The following NT5DC3 variants were observed in gnomAD, a reference collection of about 807,000 sequenced individuals.
The protein encoded by NT5DC3 is 5'-nucleotidase domain-containing protein 3.
In NT5DC3, 42 loss-of-function variants were observed where a neutral mutation model predicts 67.8. The observed-to-expected ratio is 0.62, with a 90% CI of 0.48 to 0.80. The LOEUF is 0.80. Ranked by LOEUF, NT5DC3 falls within the 30% of genes least tolerant of loss-of-function variation. NT5DC3 has a pLI of 0.00. For synonymous variants in NT5DC3, 237 were observed against 255.6 expected (o/e 0.93, Z 0.69); for missense variants, 570 against 696.4 (o/e 0.82, Z 2.04).
chr12:103,773,497 T>C lies in NT5DC3; in HGVS notation c.*4332A>G, dbSNP rs1019823175. The stretch of plus-strand genomic sequence containing the variant: ...AAAGATTACTGTTACTAAATGACAC[T>C]AGTAGTGTCAAAGGTTAGCTGAACT... On this transcript the variant is annotated 3_prime_UTR_variant, in exon 14 of 14. Coordinates refer to ENST00000392876, the MANE Select transcript of NT5DC3 (RefSeq NM_001031701.3). The C allele has an allele frequency of 3.9e-5, 6 of 152,160 alleles. No homozygotes were observed. Among genetic ancestry groups the C allele is most frequent in the Admixed American group, 6.5e-5 (1 of 15,278 alleles). 9.4% of individuals were successfully genotyped at this position (152,160 alleles called of 1,614,324 possible).
intron 1 of NT5DC3, among the ~76,000 whole-genome samples, chr12:103,830,864 C>T (rs1887896464): frequency 6.6e-6 from 1 of 152,126 alleles, no homozygotes; most frequent in Admixed American, 6.5e-5. Context: ...ATCTTAAGTC[C>T]TATTCATATT....
chr12:103,835,846 G>A (rs1002941116), intron 1 of NT5DC3, among the ~76,000 whole-genome samples: 3 of 152,174 alleles, frequency 2.0e-5, no homozygotes, highest in African/African-American at 7.2e-5. Context: ...TGCTGATAAA[G>A]ACATAATTGA....
chr12:103,808,169 C>T (rs1886882539), intron 2 of NT5DC3, among the ~76,000 whole-genome samples: 1 of 152,142 alleles, frequency 6.6e-6, no homozygotes, highest in African/African-American at 2.4e-5. Context: ...CTGTGGGCAC[C>T]ATTTCTGCTG....
chr12:103,753,546 T>G, the NT5DC3 span, among the ~76,000 whole-genome samples: 2 of 152,164 alleles, frequency 1.3e-5, no homozygotes, highest in Non-Finnish European at 2.9e-5. Flanking sequence ...GCAGGGTACT[T>G]CGTGGATATT....
intron 13 of NT5DC3, 116 bp from the exon 14 acceptor site, chr12:103,778,197 G>A: frequency 5.3e-6 from 6 of 1,129,950 alleles, no homozygotes; most frequent in Non-Finnish European, 6.2e-6. Context: ...ACTCATTTGA[G>A]AAACATGTTA....
At position 103,785,368 on chromosome 12, in the gene NT5DC3, C is replaced by T. The variant is rs1424957398; in HGVS notation, c.1296G>A (p.Leu432=). 1.2e-6 allele frequency: 2 copies of T among 1,613,922 alleles called. No individual in the cohort carries two copies. Among genetic ancestry groups the T allele is most frequent in the Non-Finnish European group, 8.5e-7 (1 of 1,179,958 alleles). The change falls in exon 12 of 14, where the codon CTG becomes CTA. Residue 432 remains leucine (L), a synonymous_variant. Coordinates refer to ENST00000392876, the MANE Select transcript of NT5DC3 (RefSeq NM_001031701.3). Reference sequence around the variant, plus strand: ...GTTCCAATAAGCCAGTCAAGGTCTGCAGCCAGGTCATGGTTTGAATGTATT... The same window carrying T: ...GTTCCAATAAGCCAGTCAAGGTCTGTAGCCAGGTCATGGTTTGAATGTATT... ...TEQYIQTMTW[L]QTLTGLLEQM...
the NT5DC3 span, among the ~76,000 whole-genome samples, chr12:103,757,030 T>TATATATATATATATAA: frequency 7.0e-6 from 1 of 143,072 alleles, no homozygotes; most frequent in African/African-American, 2.6e-5. Context: ...TATATATATA[T>TATATATATATATATAA]AAAATATATA....
At chr12:103,780,520 T>C (rs1202571320) in intron 12 of NT5DC3, among the ~76,000 whole-genome samples, 156 bp from the exon 13 acceptor site, 1 of 152,224 alleles carries the variant, frequency 6.6e-6, no homozygotes, top group Non-Finnish European at 1.5e-5. Context: ...TTTCAGACCT[T>C]CCAGTTGAAA....
rs1336451766 is a variant in NT5DC3, at chr12:103,785,338, C to T, written c.1326G>A (p.Met442Ile). Residue 442 changes from methionine (M) to isoleucine (I), a missense_variant, in exon 12 of 14, where the codon ATG becomes ATA. Met to Ile is a conservative substitution (Grantham distance 10). Around this residue, in one of 2 missense-constraint regions of NT5DC3, gnomAD observed 466 missense variants for 608.0 expected, o/e 0.77. Coordinates refer to ENST00000392876, the MANE Select transcript of NT5DC3 (RefSeq NM_001031701.3). ...LQTLTGLLEQ[M>I]QVHRDAESQL... is the part of the protein sequence containing the mutation. ...GAGAAAAATAATATATCCAAACCTG[C>T]ATCTGTTCCAATAAGCCAGTCAAGG... The T allele has an allele frequency of 1.2e-6, 2 of 1,613,992 alleles. No individual in the cohort carries two copies. Among genetic ancestry groups the T allele is most frequent in the Admixed American group, 3.3e-5 (2 of 60,016 alleles).
chr12:103,811,295 GAAGC>G, intron 2 of NT5DC3, among the ~76,000 whole-genome samples: 1 of 144,164 alleles, frequency 6.9e-6, no homozygotes, highest in African/African-American at 2.5e-5. Context: ...CGGGGGCGGG[GAAGC>G]AAGCCGGGAG....
the NT5DC3 span, chr12:103,746,338 G>C: frequency 2.2e-5 from 7 of 315,524 alleles, no homozygotes; most frequent in Admixed American, 4.4e-5. Flanking sequence ...AGTTTTAATT[G>C]ATAGCCCCTA....
At chr12:103,815,152 T>C in intron 1 of NT5DC3, 31 bp from the exon 2 acceptor site, 3 of 1,426,912 alleles carry the variant, frequency 2.1e-6, no homozygotes, top group South Asian at 1.3e-5. Flanking sequence ...TACATTATAC[T>C]ACATAATAAA....
At chr12:103,763,245 T>G in the NT5DC3 span, 2 of 488,582 alleles carry the variant, frequency 4.1e-6, no homozygotes, top group Non-Finnish European at 7.4e-6. Context: ...GAACACATCC[T>G]GGGGTATGGA....
At position 103,780,351 on chromosome 12, in the gene NT5DC3, G is replaced by C. The variant is rs898788648; in HGVS notation, c.1343C>G (p.Ala448Gly). 4 of 1,613,846 alleles carry C rather than the reference G, an allele frequency of 2.5e-6. No homozygotes were observed. The highest frequency in any genetic ancestry group is 2.5e-6 in the Non-Finnish European group (3 of 1,179,844). ...CTCCTGCAAAACCAGCTGTGACTCA[G>C]CATCTCTGTGAACCTGTAGGACACA... ...LLEQMQVHRDAESQLVLQEWK... is the reference protein window; with the variant it reads ...LLEQMQVHRDGESQLVLQEWK... Residue 448 changes from alanine (A) to glycine (G), a missense_variant, in exon 13 of 14, where the codon GCT (alanine) becomes GGT (glycine). Around this residue, in one of 2 missense-constraint regions of NT5DC3, gnomAD observed 466 missense variants for 608.0 expected, o/e 0.77. Coordinates refer to ENST00000392876, the MANE Select transcript of NT5DC3 (RefSeq NM_001031701.3).
Position 103,798,674 on chromosome 12 carries a change from G to T in NT5DC3, c.528C>A (p.Gly176=). The part of the protein sequence containing the change: ...HYIQLGTVYR[G]LSVVPDEEVI... ...CTTCTTCATCAGGGACAACACTGAGGCCTCTGGAAAAACCAGATGGTGCAG... is the reference window on the plus strand; with the variant it reads ...CTTCTTCATCAGGGACAACACTGAGTCCTCTGGAAAAACCAGATGGTGCAG... Residue 176 remains glycine, a synonymous_variant, in exon 5 of 14, where the codon GGC becomes GGA. Coordinates refer to ENST00000392876, the MANE Select transcript of NT5DC3 (RefSeq NM_001031701.3). 6.2e-7 allele frequency: 1 copy of T among 1,611,958 alleles called. No individual in the cohort carries two copies.
chr12:103,806,994 C>G (rs1886828200), intron 2 of NT5DC3, 65 bp from the exon 3 acceptor site: 1 of 957,430 alleles, frequency 1.0e-6, no homozygotes, highest in Non-Finnish European at 1.7e-6. Flanking sequence ...CTGTCCAGAT[C>G]TGGCCCTTGT....
chr12:103,794,373 C>T (rs1471909053), intron 6 of NT5DC3, among the ~76,000 whole-genome samples: 1 of 147,786 alleles, frequency 6.8e-6, no homozygotes, highest in Admixed American at 6.9e-5. Flanking sequence ...TGGTCTCCAA[C>T]TCCTGGCCTC....
At chr12:103,802,222 TCTC>T (rs1473053670) in intron 4 of NT5DC3, 8 of 152,178 alleles carry the variant, frequency 5.3e-5, no homozygotes, top group Admixed American at 1.3e-4. Flanking sequence ...AGGCAATTCT[TCTC>T]CTGTGAACCC....
intron 1 of NT5DC3, among the ~76,000 whole-genome samples, 171 bp from the exon 2 acceptor site, chr12:103,815,292 A>G (rs143514234): frequency 6.6e-6 from 1 of 152,246 alleles, no homozygotes; most frequent in African/African-American, 2.4e-5. Flanking sequence ...GATCCTATTC[A>G]TATGAAATGT....
Sources: gnomAD v4.1 joint callset for allele counts (sites outside exome capture counted in the v4.1 genomes callset) on GRCh38, gnomAD v4.1.1 for gene constraint, gnomAD v4.1.1 regional missense constraint, MANE v1.5 for transcripts, NCBI Gene and HGNC (gene_info 2026-07-23, HGNC 2026-07-21) for gene names.